The following RYR2 variants were observed in gnomAD, a reference collection of about 807,000 sequenced individuals.
RYR2 encodes the protein ryanodine receptor 2.
Under a neutral mutation model 601.1 loss-of-function variants are expected in RYR2, and 227 were observed. That is an observed-to-expected ratio of 0.38 (90% CI 0.34 to 0.42). The LOEUF (loss-of-function observed/expected upper bound fraction) is 0.42, where lower values mean the gene tolerates loss of function less well. Among genes scored for constraint, RYR2 ranks in the 10% least tolerant of loss-of-function variants. The probability of loss-of-function intolerance (pLI) is 1.00; values close to 1 mark genes in which losing one functional copy is unlikely to be tolerated. For synonymous variants in RYR2, 2,223 were observed against 2,175.1 expected, an observed-to-expected ratio of 1.02 and a Z score of -0.61; for missense variants, 4,646 against 6,156.5, an observed-to-expected ratio of 0.75 and a Z score of 8.21.
chr1:237,090,018 C>T (rs896778619), intron 1 of RYR2, among the ~76,000 whole-genome samples: 2 of 152,168 alleles, frequency 1.3e-5, no homozygotes, highest in South Asian at 2.1e-4. Context: ...GCAGAAGGCA[C>T]CTCTTCACAG....
chr1:237,370,059 C>T (rs1041082037), intron 6 of RYR2, among the ~76,000 whole-genome samples: 1 of 152,046 alleles, frequency 6.6e-6, no homozygotes, highest in African/African-American at 2.4e-5. Context: ...CACATCTGCT[C>T]CTCCTTTCAC....
chr1:237,305,305 C>T (rs1171806375), intron 2 of RYR2, among the ~76,000 whole-genome samples: 7 of 152,000 alleles, frequency 4.6e-5, no homozygotes. Context: ...AATGAATGGG[C>T]CACAGGAGTC....
At chr1:237,748,643 G>T (rs1190534534) in intron 80 of RYR2, among the ~76,000 whole-genome samples, 1 of 152,150 alleles carries the variant, frequency 6.6e-6, no homozygotes, top group African/African-American at 2.4e-5. Flanking sequence ...GTTGGGCTGG[G>T]GGGTCCTGGC....
intron 55 of RYR2, 108 bp downstream of exon 55, chr1:237,660,182 C>A: frequency 1.8e-6 from 1 of 552,846 alleles, no homozygotes; most frequent in Non-Finnish European, 2.8e-6. Context: ...TTAAATTTCA[C>A]ATTTTTTCTT....
At chr1:237,642,864 G>C (rs7529291) in intron 47 of RYR2, among the ~76,000 whole-genome samples, 66 of 152,266 alleles carry the variant, frequency 4.3e-4, no homozygotes, top group African/African-American at 1.5e-3. Context: ...GAAGACAGAT[G>C]GATATGCAAT....
chr1:237,415,579 T>TA (rs1304525717), intron 10 of RYR2, among the ~76,000 whole-genome samples: 3 of 152,156 alleles, frequency 2.0e-5, no homozygotes, highest in East Asian at 1.9e-4. Flanking sequence ...AGGTATGTGT[T>TA]AAAAAACACC....
chr1:237,088,597 A>C lies in RYR2; in HGVS notation c.48+46028A>C, dbSNP rs1040801734. On this transcript the variant is annotated intron_variant, in intron 1 of 104. Transcript: ENST00000366574. ...TTTCTTTTTCTAAGTTTGCTAATCT[A>C]TGATTTATCATTCTTCCATGTTTTT... is the stretch of plus-strand genomic sequence containing the variant. Among the ~76,000 whole-genome samples, 7 of 152,242 alleles carry C rather than the reference A, an allele frequency of 4.6e-5. No homozygotes were observed. In the South Asian group the frequency reaches 1.2e-3, roughly 27 times the overall value.
At chr1:237,780,665 G>A (rs1330473222) in intron 88 of RYR2, among the ~76,000 whole-genome samples, 1 of 152,024 alleles carries the variant, frequency 6.6e-6, no homozygotes. Flanking sequence ...AAAATCAAAA[G>A]CAAAAACAAA....
At chr1:237,755,640 A>T (rs554798859) in intron 80 of RYR2, among the ~76,000 whole-genome samples, 1 of 152,324 alleles carries the variant, frequency 6.6e-6, no homozygotes, top group African/African-American at 2.4e-5. Flanking sequence ...AGTGGAAAAG[A>T]ATAAACTCCA....
chr1:237,770,099 A>G (rs1270493711), intron 84 of RYR2, among the ~76,000 whole-genome samples: 2 of 151,974 alleles, frequency 1.3e-5, no homozygotes, highest in South Asian at 2.1e-4. Context: ...ACCTTTCTTT[A>G]TTAGTTTTAG....
chr1:237,463,738 GT>G (rs1659738988), intron 16 of RYR2, among the ~76,000 whole-genome samples: 1 of 152,220 alleles, frequency 6.6e-6, no homozygotes, highest in East Asian at 1.9e-4. Context: ...GTATTGTAAA[GT>G]TTTAGGGAGG....
At chr1:237,680,661 G>C (rs1385289871) in intron 62 of RYR2, 84 bp downstream of exon 62, 4 of 1,015,478 alleles carry the variant, frequency 3.9e-6, no homozygotes, top group Non-Finnish European at 5.7e-6. Flanking sequence ...TTGAAGTGGG[G>C]CTGTACGGAG....
At chr1:237,371,095 C>A (rs1222687828) in intron 6 of RYR2, among the ~76,000 whole-genome samples, 1 of 151,532 alleles carries the variant, frequency 6.6e-6, no homozygotes, top group East Asian at 1.9e-4. Flanking sequence ...AAGTTTTAAT[C>A]TCTTCTGTCC....
At chr1:237,181,011 C>A (rs1362482145) in intron 1 of RYR2, among the ~76,000 whole-genome samples, 1 of 151,618 alleles carries the variant, frequency 6.6e-6, no homozygotes, top group Non-Finnish European at 1.5e-5. Context: ...TAAGACAGAG[C>A]CTCACTCTGT....
Position 237,639,133 on chromosome 1 carries a change from A to G in RYR2, c.7047A>G (p.Glu2349=). 1 of 1,613,882 alleles carries G rather than the reference A, an allele frequency of 6.2e-7. No individual in the cohort carries two copies. The highest frequency in any genetic ancestry group is 8.5e-7 in the Non-Finnish European group (1 of 1,179,838). ...GGNGLLAAME[E]AIKIAEDPSR... ...ATGGGCTTCTTGCAGCAATGGAAGA[A>G]GCCATCAAAATCGCCGAGGATCCTT... The change falls in exon 46 of 105, where the codon GAA becomes GAG. Residue 2349 remains glutamate (E), a synonymous_variant. Transcript: ENST00000366574.
At chr1:237,513,829 T>C (rs1443218507) in intron 24 of RYR2, among the ~76,000 whole-genome samples, 1 of 152,208 alleles carries the variant, frequency 6.6e-6, no homozygotes, top group African/African-American at 2.4e-5. Context: ...TGAAAACACC[T>C]AAAGACCCAT....
chr1:237,627,143 T>C (rs992563615), intron 40 of RYR2, among the ~76,000 whole-genome samples: 1 of 152,224 alleles, frequency 6.6e-6, no homozygotes, highest in Non-Finnish European at 1.5e-5. Flanking sequence ...ATTTTGGTAA[T>C]TTCACTGTTT....
intron 1 of RYR2, among the ~76,000 whole-genome samples, chr1:237,061,749 T>C (rs1662921689): frequency 6.6e-6 from 1 of 152,170 alleles, no homozygotes; most frequent in Non-Finnish European, 1.5e-5. Flanking sequence ...CGAAGAGCAG[T>C]TTTTCACTTT....
intron 71 of RYR2, among the ~76,000 whole-genome samples, chr1:237,714,049 T>C (rs1689059778): frequency 6.6e-6 from 1 of 152,150 alleles, no homozygotes; most frequent in Non-Finnish European, 1.5e-5. Flanking sequence ...CTGTGCTTTC[T>C]GTTCATAATG....
Sources: allele counts gnomAD v4.1 joint callset (sites outside exome capture counted in the v4.1 genomes callset), GRCh38; gene constraint gnomAD v4.1.1; transcripts MANE v1.5; gene names NCBI Gene and HGNC (gene_info 2026-07-23, HGNC 2026-07-21).